The following STK3 variants were observed in gnomAD, a reference collection of about 807,000 sequenced individuals.
STK3 encodes serine/threonine-protein kinase 3.
A neutral mutation model predicts 58.0 loss-of-function variants in STK3; 41 were observed. The ratio of observed to expected loss-of-function variants is 0.71; its 90% CI spans 0.55 to 0.92. The LOEUF (loss-of-function observed/expected upper bound fraction) is 0.92. STK3 is among the 40% of genes least tolerant of loss of function. The pLI, the probability that STK3 is intolerant of heterozygous loss-of-function variation, is 0.00. For missense variants in STK3, 479 were observed against 602.7 expected (o/e 0.79, Z 2.15); for synonymous variants, 170 against 191.0 (o/e 0.89, Z 0.91).
intron 6 of STK3, among the ~76,000 whole-genome samples, chr8:98,703,195 G>T (rs2131046651): frequency 6.6e-6 from 1 of 152,124 alleles, no homozygotes; most frequent in Non-Finnish European, 1.5e-5. Flanking sequence ...ATTTTTGTTA[G>T]CCGCTCCTCC....
At chr8:98,698,973 C>T (rs937791342) in intron 6 of STK3, among the ~76,000 whole-genome samples, 2 of 152,198 alleles carry the variant, frequency 1.3e-5, no homozygotes, top group African/African-American at 2.4e-5. Flanking sequence ...CAACTTGGTT[C>T]CATTCTCCCC....
At chr8:98,847,239 A>T (rs1357586616) in intron 3 of STK3, among the ~76,000 whole-genome samples, 1 of 152,186 alleles carries the variant, frequency 6.6e-6, no homozygotes, top group Non-Finnish European at 1.5e-5. Context: ...GCAATATATG[A>T]GGTGAATCAG....
intron 9 of STK3, among the ~76,000 whole-genome samples, chr8:98,542,732 C>T (rs1334788184): frequency 1.3e-5 from 2 of 152,182 alleles, no homozygotes; most frequent in Admixed American, 1.3e-4. Context: ...TGAATATTAT[C>T]CTTTATTGAT....
chr8:98,783,340 C>T lies in STK3; in HGVS notation c.27-8521G>A, dbSNP rs61271229. On this transcript the variant is annotated intron_variant, in intron 1 of 10. Transcript: ENST00000419617. ...TTTGAGGTGAAGGATACCCACTATG[C>T]CCTGATGATTGTTATGCATTATATG... Among the ~76,000 whole-genome samples, 837 of 152,242 alleles carry T rather than the reference C, an allele frequency of 5.5e-3. 9 individuals are homozygous for T. The highest frequency in any genetic ancestry group is 0.019 in the African/African-American group (805 of 41,520).
chr8:98,844,610 C>A (rs1004332113), intron 3 of STK3, among the ~76,000 whole-genome samples: 52 of 152,032 alleles, frequency 3.4e-4, no homozygotes, highest in African/African-American at 1.3e-3. Context: ...GGATTACAGG[C>A]CCGCACCATC....
chr8:98,530,986 C>T (rs1009575257), intron 9 of STK3, among the ~76,000 whole-genome samples: 7 of 152,310 alleles, frequency 4.6e-5, no homozygotes, highest in South Asian at 2.1e-4. Flanking sequence ...CTAGTTCTTT[C>T]GCTATTACCA....
At chr8:98,885,226 C>A (rs1325764184) in intron 1 of STK3, among the ~76,000 whole-genome samples, 2 of 152,184 alleles carry the variant, frequency 1.3e-5, no homozygotes, top group Non-Finnish European at 2.9e-5. Flanking sequence ...AGGCCTGCCT[C>A]CTTGCCCCAG....
chr8:98,910,296 A>G (rs968913329), intron 1 of STK3, among the ~76,000 whole-genome samples: 4 of 152,204 alleles, frequency 2.6e-5, no homozygotes, highest in African/African-American at 9.6e-5. Flanking sequence ...TTTTAAACTT[A>G]CTTTGAAAAT....
At chr8:98,865,883 G>A (rs1314766445) in intron 3 of STK3, among the ~76,000 whole-genome samples, 1 of 152,264 alleles carries the variant, frequency 6.6e-6, no homozygotes, top group East Asian at 1.9e-4. Flanking sequence ...TGCAAGGCCT[G>A]TCGCCTGCCC....
chr8:98,530,884 T>C (rs189092218), intron 9 of STK3, among the ~76,000 whole-genome samples: 2 of 152,350 alleles, frequency 1.3e-5, no homozygotes, highest in East Asian at 3.9e-4. Flanking sequence ...ACCACTTTCT[T>C]TGCTCATCCA....
intron 4 of STK3, among the ~76,000 whole-genome samples, chr8:98,709,667 C>T (rs535909351): frequency 6.6e-6 from 1 of 152,216 alleles, no homozygotes; most frequent in African/African-American, 2.4e-5. Context: ...CAATACACCA[C>T]CTTAACAGAA....
chr8:98,713,639 C>T (rs1301061637), intron 4 of STK3, among the ~76,000 whole-genome samples: 1 of 152,156 alleles, frequency 6.6e-6, no homozygotes, highest in Non-Finnish European at 1.5e-5. Flanking sequence ...TAATTAATAG[C>T]TTACCAACCA....
chr8:98,718,184 T>G (rs1377436500), intron 4 of STK3, among the ~76,000 whole-genome samples: 1 of 152,150 alleles, frequency 6.6e-6, no homozygotes, highest in Non-Finnish European at 1.5e-5. Flanking sequence ...AACTGCACAC[T>G]TAAAAATGGC....
intron 1 of STK3, among the ~76,000 whole-genome samples, chr8:98,384,415 T>G (rs1456586677): frequency 6.6e-6 from 1 of 152,244 alleles, no homozygotes. Flanking sequence ...GCTTCGTTCT[T>G]TCGTTGATTT....
At chr8:98,679,393 ATCT>A (rs1823459495) in intron 6 of STK3, among the ~76,000 whole-genome samples, 1 of 152,138 alleles carries the variant, frequency 6.6e-6, no homozygotes, top group Non-Finnish European at 1.5e-5. Flanking sequence ...TTCCAGTATC[ATCT>A]TCTCAATGAG....
intron 6 of STK3, among the ~76,000 whole-genome samples, chr8:98,613,068 A>C (rs1232007721): frequency 6.6e-6 from 1 of 152,156 alleles, no homozygotes; most frequent in Non-Finnish European, 1.5e-5. Context: ...GCACCAATAC[A>C]ATAGAGACTA....
At chr8:98,380,982 T>G (rs1817726065) in intron 1 of STK3, among the ~76,000 whole-genome samples, 1 of 144,394 alleles carries the variant, frequency 6.9e-6, no homozygotes, top group Non-Finnish European at 1.5e-5. Flanking sequence ...TTTTTTTTTT[T>G]TTTTTTTGAG....
chr8:98,570,804 C>G (rs1014493145), intron 8 of STK3, among the ~76,000 whole-genome samples: 3 of 152,134 alleles, frequency 2.0e-5, no homozygotes, highest in African/African-American at 7.2e-5. Context: ...TAATTATATC[C>G]TCATAACAAC....
At chr8:98,439,367 A>T (rs1818610516) in intron 1 of STK3, 1 of 152,226 alleles carries the variant, frequency 6.6e-6, no homozygotes, top group Non-Finnish European at 1.5e-5. Flanking sequence ...GGGCACCGAC[A>T]TCCTTAGCAA....
Sources: gnomAD v4.1 joint callset for allele counts (sites outside exome capture counted in the v4.1 genomes callset) on GRCh38, gnomAD v4.1.1 for gene constraint, MANE v1.5 for transcripts, NCBI Gene and HGNC (gene_info 2026-07-23, HGNC 2026-07-21) for gene names.